Variants in SZT2 observed in about 807,000 individuals in gnomAD.
The protein encoded by SZT2 is KICSTOR complex protein SZT2.
SZT2 carries 216 observed loss-of-function variants against 404.2 expected under a neutral mutation model. That is an observed-to-expected ratio of 0.53 (90% CI 0.48 to 0.60). The LOEUF is 0.60. Ranked by LOEUF, SZT2 falls within the 20% of genes least tolerant of loss-of-function variation. SZT2 has a pLI of 0.00. For missense variants in SZT2, 3,857 were observed against 4,459.2 expected, an observed-to-expected ratio of 0.86 and a Z score of 3.85; for synonymous variants, 1,693 against 1,749.9, an observed-to-expected ratio of 0.97 and a Z score of 0.81.
In SZT2 at chr1:43,427,734, G is replaced by A. The variant is rs374924388; in HGVS notation, c.3803G>A (p.Arg1268Gln). 7 of 1,612,832 alleles carry A rather than the reference G, an allele frequency of 4.3e-6. No homozygotes were observed. The highest frequency in any genetic ancestry group is 2.2e-5 in the South Asian group (2 of 91,000). The change falls in exon 26 of 72, where the codon CGG (arginine) becomes CAG (glutamine). Residue 1268 changes from arginine (R) to glutamine (Q), a missense_variant and splice_region_variant. Physicochemically the swap from Arg to Gln is conservative, Grantham distance 43. Around this residue, in one of 7 missense-constraint regions of SZT2, gnomAD observed 1,725 missense variants for 1,881.0 expected, o/e 0.92. Transcript: ENST00000634258. ...CAGGCGCCCCGAGACCTCATCTTCC[G>A]GTGAGTGCCTTCAGTGTTGACCTAA... The part of the protein sequence containing the change: ...PPQAPRDLIF[R>Q]TQFLDHPSPS...
chr1:43,439,293 C>T lies in SZT2; in HGVS notation c.6793-65C>T. 6.3e-7 allele frequency: 1 copy of T among 1,578,378 alleles called. No homozygotes were observed. Among genetic ancestry groups the T allele is most frequent in the Non-Finnish European group, 8.7e-7 (1 of 1,148,556 alleles). ...CCTGCACCACATTCCCCACTGTGGG[C>T]ACCCATCCCCGAGGGTTTTGTCCAT... On this transcript the variant is annotated intron_variant, in intron 48 of 71. Transcript: ENST00000634258. This position sits in a 1 kb window ranked among gnomAD's most constrained non-coding sequence, Gnocchi z 4.2.
intron 3 of SZT2, 122 bp from the exon 4 acceptor site, chr1:43,404,258 T>C (rs1385097342): frequency 6.3e-6 from 5 of 787,598 alleles, no homozygotes; most frequent in Non-Finnish European, 1.0e-5. Context: ...TGTGTGGCAC[T>C]GTATTTGGGT....
intron 11 of SZT2, among the ~76,000 whole-genome samples, 156 bp downstream of exon 11, chr1:43,421,459 C>G (rs543570287): frequency 6.6e-6 from 1 of 152,236 alleles, no homozygotes; most frequent in African/African-American, 2.4e-5. Context: ...TCTCTTCTCC[C>G]TAAGGCCCCG....
Position 43,439,861 on chromosome 1 carries a change from T to C in SZT2, c.7043-20T>C, listed in dbSNP as rs1352830015. The C allele has an allele frequency of 8.9e-6, 14 of 1,575,188 alleles. No individual in the cohort carries two copies. Among genetic ancestry groups the C allele is most frequent in the Admixed American group, 1.8e-5 (1 of 56,652 alleles). ...AGTGGGATCTAGGGACACCCTCAAG[T>C]GTCCCTGTTCTCCTTCCAGCTCAGA... On this transcript the variant is annotated intron_variant, in intron 50 of 71. Coordinates refer to ENST00000634258, the MANE Select transcript of SZT2 (RefSeq NM_001365999.1). The surrounding 1 kb of genome is among the most constrained non-coding windows in gnomAD (Gnocchi z 4.2).
At chr1:43,390,034 C>T in intron 1 of SZT2, 39 bp downstream of exon 1, 3 of 1,373,022 alleles carry the variant, frequency 2.2e-6, no homozygotes, top group South Asian at 1.6e-5. Flanking sequence ...CCCCGAGATC[C>T]GAGGGGGAGG....
rs373653849 is a variant in SZT2 at position 43,423,572 on chromosome 1, GA to G, written c.2255+258del. ...GGGGTATGAGTGGTACAGAGGTGTG[GA>G]AGGGCATGGCTTAGCGGGGTATGAG... On this transcript the variant is annotated intron_variant, in intron 15 of 71. Transcript: ENST00000634258. 3.1e-4 allele frequency among the ~76,000 whole-genome samples: 46 copies of G among 147,112 alleles called. 1 individual carries two copies. Among genetic ancestry groups the G allele is most frequent in the Admixed American group, 2.1e-3 (32 of 15,018 alleles).
Position 43,435,208 on chromosome 1 carries a change from T to G in SZT2, c.5913T>G (p.Leu1971=). Residue 1971 remains leucine, a synonymous_variant, in exon 42 of 72, where the codon CTT becomes CTG. Coordinates refer to ENST00000634258, the MANE Select transcript of SZT2 (RefSeq NM_001365999.1). Reference sequence around the variant, plus strand: ...CATGCTCCTTCTCCCAGCGACTGCTTCTTCAAGACCTTCATGACAGCCACG... The same window carrying G: ...CATGCTCCTTCTCCCAGCGACTGCTGCTTCAAGACCTTCATGACAGCCACG... The part of the protein sequence containing the change: ...EICREVNQRL[L]LQDLHDSHVC... 1 of 1,614,104 alleles carries G rather than the reference T, an allele frequency of 6.2e-7. No homozygotes were observed. The highest frequency in any genetic ancestry group is 8.5e-7 in the Non-Finnish European group (1 of 1,179,980).
chr1:43,452,136 C>T lies in SZT2; in HGVS notation c.*1656C>T. The T allele has an allele frequency of 2.7e-6, 4 of 1,496,390 alleles. No homozygotes were observed. The highest frequency in any genetic ancestry group is 3.7e-6 in the Non-Finnish European group (4 of 1,082,272). The allele number at this position is 1,496,390 out of a possible 1,614,324, so 92.7% of individuals were successfully genotyped here. On this transcript the variant is annotated 3_prime_UTR_variant, in exon 72 of 72. Transcript: ENST00000634258. ...GGCTGGCAGCCTCACGTGCTGTCCC[C>T]ACTGTGCACCCCCTTCTCCGCACAC...
chr1:43,438,602 A>G, intron 46 of SZT2, 97 bp from the exon 47 acceptor site: 1 of 1,148,712 alleles, frequency 8.7e-7, no homozygotes, highest in Non-Finnish European at 1.3e-6. Flanking sequence ...TGCCTCTAGT[A>G]TACAGGGGAT....
At chr1:43,409,961 T>C (rs2153930695) in intron 4 of SZT2, 1 of 152,428 alleles carries the variant, frequency 6.6e-6, no homozygotes, top group Non-Finnish European at 1.5e-5. Flanking sequence ...AAAGCTATTC[T>C]GAGCAAAACA....
rs558677971 is a variant in SZT2 at position 43,429,921 on chromosome 1, G to A, written c.4308+77G>A. On this transcript the variant is annotated intron_variant, in intron 29 of 71. Coordinates refer to ENST00000634258, the MANE Select transcript of SZT2 (RefSeq NM_001365999.1). ...AGGGACAGGATTCTCTCCTGGGCGG[G>A]GGGTATGCATGTGTCCTGCTCTAGG... 4.4e-4 allele frequency: 707 copies of A among 1,612,238 alleles called. 1 individual carries two copies. Among genetic ancestry groups the A allele is most frequent in the Middle Eastern group, 1.7e-3 (10 of 6,058 alleles).
Position 43,403,161 on chromosome 1 carries a change from GTC to G in SZT2, c.28-12_28-11del. 6.2e-7 allele frequency: 1 copy of G among 1,613,504 alleles called. No homozygotes were observed. The highest frequency in any genetic ancestry group is 1.3e-5 in the African/African-American group (1 of 75,028). On this transcript the variant is annotated splice_polypyrimidine_tract_variant and intron_variant, in intron 1 of 71. Coordinates refer to ENST00000634258, the MANE Select transcript of SZT2 (RefSeq NM_001365999.1). Reference sequence around the variant, plus strand: ...TGCCATTTTTTAAAGATGTATTAATGTCTCTTTGTTCCCAGGTGGAAGAAGCT... The same window carrying G: ...TGCCATTTTTTAAAGATGTATTAATGTCTTTGTTCCCAGGTGGAAGAAGCT...
chr1:43,443,038 A>G lies in SZT2; in HGVS notation c.8371A>G (p.Thr2791Ala). The G allele has an allele frequency of 6.2e-7, 1 of 1,613,760 alleles. No homozygotes were observed. Among genetic ancestry groups the G allele is most frequent in the Middle Eastern group, 1.6e-4 (1 of 6,062 alleles). Reference protein sequence around the residue: ...GPVPRPPDPVTYHGQQFLEIK... With the variant: ...GPVPRPPDPVAYHGQQFLEIK... ...TGTGCCCAGACCTCCTGATCCTGTCACCTACCATGGACAACAGTTCCTAGA... is the reference window on the plus strand; with the variant it reads ...TGTGCCCAGACCTCCTGATCCTGTCGCCTACCATGGACAACAGTTCCTAGA... The change falls in exon 59 of 72, where the codon ACC becomes GCC. Residue 2791 changes from threonine to alanine, a missense_variant. Transcript: ENST00000634258.
At chr1:43,423,022 T>G in intron 14 of SZT2, 77 bp from the exon 15 acceptor site, 9 of 1,513,584 alleles carry the variant, frequency 5.9e-6, no homozygotes, top group Non-Finnish European at 8.0e-6. Flanking sequence ...GGGCTGTGTC[T>G]CACTTTGTCT....
Position 43,448,756 on chromosome 1 carries a change from AG to A in SZT2, c.10086+31del. 6.3e-7 allele frequency: 1 copy of A among 1,591,742 alleles called. No homozygotes were observed. The highest frequency in any genetic ancestry group is 8.6e-7 in the Non-Finnish European group (1 of 1,159,934). On this transcript the variant is annotated intron_variant, in intron 70 of 71. Transcript: ENST00000634258. This position sits in a 1 kb window ranked among gnomAD's most constrained non-coding sequence, Gnocchi z 4.2. ...AAGTCCCCTTGAGCTTCCTCTGAAA[AG>A]GGAAACACAGCAGAAATCCTCACCA...
rs773728223 is a variant in SZT2, at chr1:43,442,893, T to G, written c.8226T>G (p.Arg2742=). The change falls in exon 59 of 72, where the codon CGT becomes CGG. Residue 2742 remains arginine, a synonymous_variant. Coordinates refer to ENST00000634258, the MANE Select transcript of SZT2 (RefSeq NM_001365999.1). The surrounding 1 kb of genome is among the most constrained non-coding windows in gnomAD (Gnocchi z 4.5). ...GGAGTGCAAGTCCCCCGCTGAGCCGTGAGCAGGGCCGACTGAGTGGGTCCT... is the reference window on the plus strand; with the variant it reads ...GGAGTGCAAGTCCCCCGCTGAGCCGGGAGCAGGGCCGACTGAGTGGGTCCT... ...LIRSASPPLS[R]EQGRLSGSSR... 4.3e-6 allele frequency: 7 copies of G among 1,614,078 alleles called. No homozygotes were observed. The South Asian group carries it at 7.7e-5, about 18-fold the overall frequency.
rs563390082 is a variant in SZT2 at position 43,424,094 on chromosome 1, G to T, written c.2256-123G>T. ...GTGTGGAAGGGCGTGGCTTAGCCGG[G>T]TATCAGTGGTACAGAGGTGTGGAAG... On this transcript the variant is annotated intron_variant, in intron 15 of 71. Transcript: ENST00000634258. This position sits in a 1 kb window ranked among gnomAD's most constrained non-coding sequence, Gnocchi z 4.1. 2 of 798,350 alleles carry T rather than the reference G, an allele frequency of 2.5e-6. No individual in the cohort carries two copies. The highest frequency in any genetic ancestry group is 4.0e-6 in the Non-Finnish European group (2 of 499,196). 49.5% of individuals were successfully genotyped at this position (798,350 alleles called of 1,614,324 possible). A position where few individuals can be genotyped will look rare whatever the true frequency, so the allele number is the denominator to read the frequency against.
Position 43,431,653 on chromosome 1 carries a change from G to A in SZT2, c.5089-63G>A, listed in dbSNP as rs1005977810. 97 of 1,604,292 alleles carry A rather than the reference G, an allele frequency of 6.0e-5. No individual in the cohort carries two copies. The Admixed American group carries it at 1.6e-3, about 26-fold the overall frequency. On this transcript the variant is annotated intron_variant, in intron 35 of 71. Coordinates refer to ENST00000634258, the MANE Select transcript of SZT2 (RefSeq NM_001365999.1). The stretch of plus-strand genomic sequence containing the variant: ...GTGAGGCAAATTATCTTCTAGTCCG[G>A]GAGTAAGGGGATGCCCAAGGAAGCA...
At chr1:43,422,944 C>T (rs1652590185) in intron 14 of SZT2, 61 bp downstream of exon 14, 5 of 1,509,098 alleles carry the variant, frequency 3.3e-6, no homozygotes, top group Admixed American at 2.0e-5. Flanking sequence ...AGCTCCCTCT[C>T]CCCAAACCCC....
Sources: allele counts gnomAD v4.1 joint callset (sites outside exome capture counted in the v4.1 genomes callset), GRCh38; gene constraint gnomAD v4.1.1; regional missense constraint gnomAD v4.1.1; non-coding constraint Gnocchi (gnomAD v3.1); transcripts MANE v1.5; gene names NCBI Gene and HGNC (gene_info 2026-07-23, HGNC 2026-07-21).